Variants in FTO observed in about 807,000 individuals in gnomAD.
FTO encodes FTO alpha-ketoglutarate dependent dioxygenase, also known as alpha-ketoglutarate-dependent dioxygenase FTO.
In FTO, 47 loss-of-function variants were observed where a neutral mutation model predicts 63.9. The ratio of observed to expected loss-of-function variants is 0.74; its 90% CI spans 0.58 to 0.94. The LOEUF is 0.94. FTO is among the 40% of genes least tolerant of loss of function. The pLI is 0.00. For missense variants in FTO, 562 were observed against 618.1 expected, an observed-to-expected ratio of 0.91 and a Z score of 0.96; for synonymous variants, 207 against 224.4, an observed-to-expected ratio of 0.92 and a Z score of 0.69.
intron 7 of FTO, among the ~76,000 whole-genome samples, chr16:53,921,651 GAGAGAAGTC>G (rs977990998): frequency 2.1e-4 from 32 of 152,146 alleles, no homozygotes; most frequent in African/African-American, 7.5e-4. Flanking sequence ...GAAGTATTTG[GAGAGAAGTC>G]AGCTGTCATT....
intron 1 of FTO, among the ~76,000 whole-genome samples, chr16:53,723,246 A>G (rs533364622): frequency 6.6e-6 from 1 of 152,368 alleles, no homozygotes; most frequent in African/African-American, 2.4e-5. Flanking sequence ...CATCAATAGC[A>G]TGTCAGCATC....
chr16:53,937,195 C>T (rs933309511), intron 8 of FTO: 2 of 398,564 alleles, frequency 5.0e-6, no homozygotes, highest in Non-Finnish European at 8.8e-6. Flanking sequence ...TTCGTAATCC[C>T]ATAAACAACC....
chr16:53,742,471 C>T (rs112238286), intron 1 of FTO, among the ~76,000 whole-genome samples: 4 of 152,140 alleles, frequency 2.6e-5, no homozygotes, highest in Admixed American at 6.5e-5. Flanking sequence ...TATCTACTAT[C>T]CCTGCCTTCT....
intron 1 of FTO, among the ~76,000 whole-genome samples, chr16:53,771,780 CA>C (rs918721642): frequency 1.2e-4 from 18 of 151,934 alleles, no homozygotes; most frequent in African/African-American, 4.3e-4. Context: ...TATTATTTGT[CA>C]ATAAAAAGAA....
intron 1 of FTO, among the ~76,000 whole-genome samples, chr16:53,733,734 G>C (rs939733140): frequency 6.6e-6 from 1 of 152,152 alleles, no homozygotes; most frequent in African/African-American, 2.4e-5. Flanking sequence ...ACATTTCTAG[G>C]TGTCTCAGAA....
intron 8 of FTO, among the ~76,000 whole-genome samples, chr16:54,103,144 G>C (rs1325109694): frequency 6.6e-6 from 1 of 151,934 alleles, no homozygotes; most frequent in Non-Finnish European, 1.5e-5. Flanking sequence ...GTGAGACCCT[G>C]TGTCGAAAAA....
At chr16:53,817,290 C>T (rs1367519745) in intron 2 of FTO, among the ~76,000 whole-genome samples, 1 of 152,220 alleles carries the variant, frequency 6.6e-6, no homozygotes, top group Non-Finnish European at 1.5e-5. Context: ...TGAACAGTGA[C>T]TCCAGAAGTG....
chr16:53,796,629 C>T (rs887180146), intron 1 of FTO, among the ~76,000 whole-genome samples: 1 of 152,110 alleles, frequency 6.6e-6, no homozygotes, highest in Non-Finnish European at 1.5e-5. Flanking sequence ...GAAAGATAGG[C>T]ATTACTTAAA....
intron 4 of FTO, among the ~76,000 whole-genome samples, chr16:53,872,742 A>C (rs1186428033): frequency 6.6e-6 from 1 of 152,200 alleles, no homozygotes; most frequent in Non-Finnish European, 1.5e-5. Flanking sequence ...TTGCTGATAC[A>C]TAAGGGGCCT....
chr16:53,870,605 AT>A (rs2080466748), intron 4 of FTO, among the ~76,000 whole-genome samples: 1 of 152,054 alleles, frequency 6.6e-6, no homozygotes, highest in Admixed American at 6.6e-5. Context: ...TACATCTTTG[AT>A]TTACCACAAT....
chr16:53,801,723 A>G (rs183324090), intron 1 of FTO, among the ~76,000 whole-genome samples: 2 of 137,970 alleles, frequency 1.4e-5, no homozygotes, highest in African/African-American at 5.2e-5. Context: ...TCCGGCAACC[A>G]TTTTTTTTTT....
In FTO at chr16:54,084,025, C is replaced by G. The variant is rs1159232620; in HGVS notation, c.1365-27737C>G. On this transcript the variant is annotated intron_variant, in intron 8 of 8. Coordinates refer to ENST00000471389, the MANE Select transcript of FTO (RefSeq NM_001080432.3). ...CCAGCATGATGCTGAAAGGAAATGC[C>G]CATTGGAGCATTTCAGATTTTGGAT... Among the ~76,000 whole-genome samples, 4 of 152,084 alleles carry G rather than the reference C, an allele frequency of 2.6e-5. No individual in the cohort carries two copies. The East Asian group carries it at 7.7e-4, about 29-fold the overall frequency.
At chr16:53,972,437 C>T (rs1326530892) in intron 8 of FTO, among the ~76,000 whole-genome samples, 1 of 152,126 alleles carries the variant, frequency 6.6e-6, no homozygotes, top group Non-Finnish European at 1.5e-5. Flanking sequence ...TGCTTCTCTT[C>T]AACTCAGAAT....
At chr16:53,908,394 G>T (rs2081590952) in intron 7 of FTO, among the ~76,000 whole-genome samples, 4 of 152,204 alleles carry the variant, frequency 2.6e-5, no homozygotes, top group African/African-American at 9.6e-5. Flanking sequence ...TATGGCCTCT[G>T]TCATTCTCCC....
chr16:54,021,478 T>G (rs2084597730), intron 8 of FTO, among the ~76,000 whole-genome samples: 1 of 135,494 alleles, frequency 7.4e-6, no homozygotes, highest in African/African-American at 2.8e-5. Flanking sequence ...TGGGTGGTTT[T>G]ATTGTTTGTT....
chr16:53,910,634 T>C (rs2081665201), intron 7 of FTO, among the ~76,000 whole-genome samples: 1 of 152,142 alleles, frequency 6.6e-6, no homozygotes, highest in South Asian at 2.1e-4. Context: ...CCTCCCAGGT[T>C]CAAGTAATCC....
At chr16:54,001,041 T>C (rs1245885967) in intron 8 of FTO, among the ~76,000 whole-genome samples, 1 of 152,228 alleles carries the variant, frequency 6.6e-6, no homozygotes, top group African/African-American at 2.4e-5. Context: ...CTTCGGAGTT[T>C]GGCTATTCCA....
chr16:53,752,916 C>G (rs1368383879), intron 1 of FTO, among the ~76,000 whole-genome samples: 2 of 149,630 alleles, frequency 1.3e-5, no homozygotes, highest in Non-Finnish European at 1.5e-5. Context: ...TCAGATATGA[C>G]TGCCTTTTTT....
chr16:53,752,556 A>G (rs1194933377), intron 1 of FTO, among the ~76,000 whole-genome samples: 1 of 152,206 alleles, frequency 6.6e-6, no homozygotes, highest in Non-Finnish European at 1.5e-5. Flanking sequence ...CTTTAAAATT[A>G]AAAAAGTTGA....
Sources: gnomAD v4.1 joint callset for allele counts (sites outside exome capture counted in the v4.1 genomes callset) on GRCh38, gnomAD v4.1.1 for gene constraint, MANE v1.5 for transcripts, NCBI Gene and HGNC (gene_info 2026-07-23, HGNC 2026-07-21) for gene names.